CHIC1: variants seen among roughly 807,000 people sequenced by gnomAD.
CHIC1 encodes cysteine rich hydrophobic domain 1.
CHIC1 carries 7 observed loss-of-function variants against 18.5 expected under a neutral mutation model. That is an observed-to-expected ratio of 0.38 (90% CI 0.22 to 0.71). The LOEUF is 0.71. Ranked by LOEUF, CHIC1 falls within the 30% of genes least tolerant of loss-of-function variation. The probability of loss-of-function intolerance (pLI) is 0.49; values close to 1 mark genes in which losing one functional copy is unlikely to be tolerated. For missense variants in CHIC1, 159 were observed against 176.9 expected (o/e 0.90, Z 0.57); for synonymous variants, 77 against 73.5 (o/e 1.05, Z -0.25).
chrX:73,636,407 C>A (rs1258862397), intron 3 of CHIC1, among the ~76,000 whole-genome samples: 1 of 111,200 alleles, frequency 9.0e-6, no homozygotes, highest in African/African-American at 3.3e-5. Flanking sequence ...GCTTTAGACT[C>A]CTGAGAGGCT....
intron 3 of CHIC1, among the ~76,000 whole-genome samples, chrX:73,662,084 TA>T (rs1040887028): frequency 2.2e-4 from 23 of 106,262 alleles, no homozygotes; most frequent in South Asian, 8.1e-4. Flanking sequence ...AAATAAATAA[TA>T]AAAAAAAAGA....
chrX:73,653,950 A>C (rs1272678924), intron 3 of CHIC1, among the ~76,000 whole-genome samples: 1 of 112,573 alleles, frequency 8.9e-6, no homozygotes, highest in African/African-American at 3.2e-5. Flanking sequence ...TGACATCTTT[A>C]GGCTTTCCTA....
intron 3 of CHIC1, among the ~76,000 whole-genome samples, chrX:73,669,411 C>T (rs1449270974): frequency 8.9e-6 from 1 of 111,796 alleles, no homozygotes; most frequent in Non-Finnish European, 1.9e-5. Context: ...GACCCTTCCT[C>T]ATCTGAATTG....
intron 1 of CHIC1, among the ~76,000 whole-genome samples, chrX:73,568,782 A>G (rs1000222863): frequency 1.8e-5 from 2 of 111,531 alleles, no homozygotes; most frequent in African/African-American, 6.5e-5. Context: ...AGAAAGCTGA[A>G]GTTATTAGAT....
intron 3 of CHIC1, among the ~76,000 whole-genome samples, chrX:73,665,775 G>GT (rs1569505302): frequency 9.0e-6 from 1 of 111,605 alleles, no homozygotes; most frequent in Non-Finnish European, 1.9e-5. Flanking sequence ...GCAGACACAG[G>GT]TTTTTTGCCT....
chrX:73,651,202 T>C (rs1199750988), intron 3 of CHIC1, among the ~76,000 whole-genome samples: 1 of 111,353 alleles, frequency 9.0e-6, no homozygotes, highest in Non-Finnish European at 1.9e-5. Flanking sequence ...AATTTATAGA[T>C]ATAATGTTAT....
intron 3 of CHIC1, among the ~76,000 whole-genome samples, chrX:73,633,066 C>T (rs1038997619): frequency 3.6e-5 from 4 of 111,090 alleles, no homozygotes; most frequent in Non-Finnish European, 5.7e-5. Flanking sequence ...CGCGCCTGGC[C>T]GGTATTGTTA....
At chrX:73,611,249 C>T (rs1473525834) in intron 3 of CHIC1, among the ~76,000 whole-genome samples, 6 of 107,654 alleles carry the variant, frequency 5.6e-5, no homozygotes, top group African/African-American at 1.8e-4. Flanking sequence ...AGTTCCCACC[C>T]ATGAGTGAGA....
intron 2 of CHIC1, among the ~76,000 whole-genome samples, chrX:73,578,396 C>T (rs1365857339): frequency 9.1e-6 from 1 of 110,117 alleles, no homozygotes; most frequent in African/African-American, 3.3e-5. Flanking sequence ...TCAGTCATTG[C>T]CAAATGGTTA....
At chrX:73,672,720 G>C (rs1204555647) in intron 3 of CHIC1, among the ~76,000 whole-genome samples, 1 of 112,041 alleles carries the variant, frequency 8.9e-6, no homozygotes, top group African/African-American at 3.3e-5. Flanking sequence ...TAGGTTGCCT[G>C]TTCACTCTGA....
intron 3 of CHIC1, among the ~76,000 whole-genome samples, chrX:73,628,567 G>T (rs190282133): frequency 2.0e-3 from 223 of 111,550 alleles, no homozygotes; most frequent in African/African-American, 6.8e-3. Context: ...ATCTGCTCTA[G>T]CAGGACAGCA....
intron 2 of CHIC1, among the ~76,000 whole-genome samples, chrX:73,580,620 A>G (rs2057522163): frequency 9.0e-6 from 1 of 110,946 alleles, no homozygotes; most frequent in African/African-American, 3.3e-5. Context: ...CTGGAGAGAA[A>G]AGGCAAACAT....
chrX:73,639,235 G>C (rs895738862), intron 3 of CHIC1, among the ~76,000 whole-genome samples: 1 of 111,556 alleles, frequency 9.0e-6, no homozygotes, highest in Admixed American at 9.5e-5. Context: ...ACGTGAGATA[G>C]TATCTCACTG....
intron 3 of CHIC1, among the ~76,000 whole-genome samples, chrX:73,676,066 C>G (rs182209351): frequency 1.8e-5 from 2 of 112,090 alleles, no homozygotes; most frequent in African/African-American, 3.2e-5. Context: ...GGCCCCCACT[C>G]TCTTCTGGCT....
intron 3 of CHIC1, among the ~76,000 whole-genome samples, chrX:73,623,282 G>A (rs1465007873): frequency 7.2e-5 from 8 of 110,351 alleles, no homozygotes; most frequent in Non-Finnish European, 1.5e-4. Context: ...TGACAGTGGG[G>A]TGTTAAAGTC....
At chrX:73,658,261 T>TG (rs1381324163) in intron 3 of CHIC1, among the ~76,000 whole-genome samples, 1 of 86,233 alleles carries the variant, frequency 1.2e-5, no homozygotes, top group Non-Finnish European at 2.3e-5. Flanking sequence ...TTTTTTTTTT[T>TG]TTTTTTTTTT....
chrX:73,644,393 C>A (rs1007243253), intron 3 of CHIC1, among the ~76,000 whole-genome samples: 1 of 111,994 alleles, frequency 8.9e-6, no homozygotes, highest in Admixed American at 9.4e-5. Flanking sequence ...CTGGGAGAAC[C>A]ACTACTCTCT....
At chrX:73,566,902 A>G (rs2057447494) in intron 1 of CHIC1, among the ~76,000 whole-genome samples, 1 of 112,117 alleles carries the variant, frequency 8.9e-6, no homozygotes, top group African/African-American at 3.2e-5. Flanking sequence ...AAAATAGTGC[A>G]GCATAAGGAG....
At chrX:73,625,702 C>T (rs745701510) in intron 3 of CHIC1, among the ~76,000 whole-genome samples, 19 of 111,368 alleles carry the variant, frequency 1.7e-4, no homozygotes, top group African/African-American at 6.2e-4. Context: ...TTTTAGCCGA[C>T]AGGGACTTTA....
Sources: gnomAD v4.1 joint callset for allele counts (sites outside exome capture counted in the v4.1 genomes callset) on GRCh38, gnomAD v4.1.1 for gene constraint, MANE v1.5 for transcripts, NCBI Gene and HGNC (gene_info 2026-07-23, HGNC 2026-07-21) for gene names.